RSRC2: variants seen among roughly 807,000 people sequenced by gnomAD.
RSRC2 encodes the protein arginine/serine-rich coiled-coil protein 2.
In RSRC2, 5 loss-of-function variants were observed where a neutral mutation model predicts 61.3. The observed-to-expected ratio is 0.08, with a 90% CI of 0.04 to 0.17. The LOEUF (loss-of-function observed/expected upper bound fraction) is 0.17, where lower values mean the gene tolerates loss of function less well. Among genes scored for constraint, RSRC2 ranks in the 10% least tolerant of loss-of-function variants. The pLI is 1.00. For missense variants in RSRC2, 381 were observed against 518.8 expected (o/e 0.73, Z 2.58); for synonymous variants, 202 against 166.5 (o/e 1.21, Z -1.64).
At chr12:122,512,359 C>T (rs796936757) in intron 6 of RSRC2, among the ~76,000 whole-genome samples, 1 of 152,182 alleles carries the variant, frequency 6.6e-6, no homozygotes, top group East Asian at 1.9e-4. Context: ...GGGGACAGGA[C>T]TGACAAAACT....
intron 4 of RSRC2, 37 bp downstream of exon 4, chr12:122,518,802 G>T: frequency 1.3e-6 from 2 of 1,506,302 alleles, no homozygotes; most frequent in Non-Finnish European, 9.2e-7. Flanking sequence ...TATGTAACTT[G>T]TTAGAAGGTA....
chr12:122,505,963 G>T (rs771560713), intron 9 of RSRC2, among the ~76,000 whole-genome samples: 6 of 152,036 alleles, frequency 3.9e-5, no homozygotes, highest in Non-Finnish European at 7.4e-5. Flanking sequence ...ATTTTCAGTA[G>T]AGACGGGGTT....
intron 7 of RSRC2, among the ~76,000 whole-genome samples, chr12:122,509,511 T>C (rs1407252917): frequency 1.3e-5 from 2 of 151,888 alleles, no homozygotes; most frequent in East Asian, 3.9e-4. Context: ...ATGCAGGTAT[T>C]ATGCTAAGTC....
At chr12:122,508,172 T>C in intron 8 of RSRC2, 46 bp downstream of exon 8, 15 of 1,537,924 alleles carry the variant, frequency 9.8e-6, no homozygotes, top group Non-Finnish European at 1.4e-5. Context: ...TCTAAGCAAT[T>C]ACTAATTAGG....
In RSRC2 at chr12:122,526,734, C is replaced by T; in HGVS notation, c.6+114G>A. 3 of 1,237,516 alleles carry T rather than the reference C, an allele frequency of 2.4e-6. No individual in the cohort carries two copies. In the Admixed American group the frequency reaches 5.3e-5, roughly 22 times the overall value. 76.7% of individuals were successfully genotyped at this position (1,237,516 alleles called of 1,614,324 possible). On this transcript the variant is annotated intron_variant, in intron 1 of 9. Coordinates refer to ENST00000331738, the MANE Select transcript of RSRC2 (RefSeq NM_023012.6). ...TGATGGCGGGCGCAGAAGAAGGCCG[C>T]GGCGCCATTTTGTCTACACACATAC...
intron 4 of RSRC2, among the ~76,000 whole-genome samples, chr12:122,517,984 G>C (rs1417201969): frequency 6.6e-6 from 1 of 152,132 alleles, no homozygotes. Context: ...GATTTTTTCA[G>C]TGCCAGACAG....
At chr12:122,514,919 A>G (rs563818720) in intron 6 of RSRC2, 186 bp downstream of exon 6, 84 of 727,946 alleles carry the variant, frequency 1.2e-4, no homozygotes, top group Middle Eastern at 8.2e-4. Context: ...TAGACATCTC[A>G]ATCTTATAGT....
rs376699961 is a variant in RSRC2, at chr12:122,509,997, T to C, written c.805+1112A>G. Among the ~76,000 whole-genome samples, 5 of 152,224 alleles carry C rather than the reference T, an allele frequency of 3.3e-5. No individual in the cohort carries two copies. In the South Asian group the frequency reaches 6.2e-4, roughly 19 times the overall value. ...CAACCACGCCTGGCTAATTTTTGTATTTTTAGCAGAGATGGGGTTTTGCCA... is the reference window on the plus strand; with the variant it reads ...CAACCACGCCTGGCTAATTTTTGTACTTTTAGCAGAGATGGGGTTTTGCCA... On this transcript the variant is annotated intron_variant, in intron 7 of 9. Transcript: ENST00000331738.
At chr12:122,513,506 C>T (rs371049718) in intron 6 of RSRC2, among the ~76,000 whole-genome samples, 11 of 152,016 alleles carry the variant, frequency 7.2e-5, no homozygotes, top group African/African-American at 4.8e-5. Flanking sequence ...ATGCTATTAA[C>T]GGCTTCACTT....
chr12:122,507,864 T>TCGG, intron 8 of RSRC2: 6 of 313,358 alleles, frequency 1.9e-5, no homozygotes, highest in South Asian at 8.7e-5. Flanking sequence ...TGGCATGATC[T>TCGG]TGGCTCACTG....
chr12:122,508,471 G>GGATTTTAAAAC (rs776336369), intron 7 of RSRC2, 24 bp from the exon 8 acceptor site: 5 of 1,560,576 alleles, frequency 3.2e-6, no homozygotes, highest in Non-Finnish European at 4.4e-6. Flanking sequence ...ATACAAAAAT[G>GGATTTTAAAAC]GATTTTAAAA....
intron 6 of RSRC2, chr12:122,514,541 CAG>C: frequency 1.1e-6 from 1 of 949,878 alleles, no homozygotes. Context: ...GCCGGGATTA[CAG>C]GTGTGACCGA....
chr12:122,505,510 T>A lies in RSRC2; in HGVS notation c.*17A>T. 6.2e-7 allele frequency: 1 copy of A among 1,610,990 alleles called. No individual in the cohort carries two copies. The highest frequency in any genetic ancestry group is 8.5e-7 in the Non-Finnish European group (1 of 1,177,802). ...CAAGAAGTCTATAAGTCCCAAACTT[T>A]ACAAGTGTGATCATTTTCAAACTGC... is the stretch of plus-strand genomic sequence containing the variant. On this transcript the variant is annotated 3_prime_UTR_variant, in exon 10 of 10. Coordinates refer to ENST00000331738, the MANE Select transcript of RSRC2 (RefSeq NM_023012.6).
chr12:122,511,092 A>G lies in RSRC2; in HGVS notation c.805+17T>C. 1 of 1,572,120 alleles carries G rather than the reference A, an allele frequency of 6.4e-7. No homozygotes were observed. Among genetic ancestry groups the G allele is most frequent in the Non-Finnish European group, 8.6e-7 (1 of 1,157,162 alleles). ...GAGCTCAAATCGAGATGACTAAAAA[A>G]GAATGAAAAAAATTACCTGCAGCTA... On this transcript the variant is annotated intron_variant, in intron 7 of 9. Coordinates refer to ENST00000331738, the MANE Select transcript of RSRC2 (RefSeq NM_023012.6).
At chr12:122,507,015 A>C (rs1349980384) in intron 8 of RSRC2, 92 bp from the exon 9 acceptor site, 7 of 716,208 alleles carry the variant, frequency 9.8e-6, no homozygotes, top group Non-Finnish European at 1.4e-5. Flanking sequence ...AAAAAAAAAA[A>C]CACCATGGAT....
chr12:122,525,496 A>C (rs970597206), intron 1 of RSRC2, among the ~76,000 whole-genome samples: 1 of 152,050 alleles, frequency 6.6e-6, no homozygotes, highest in Non-Finnish European at 1.5e-5. Flanking sequence ...TCAATCACCT[A>C]AATAATAGAG....
intron 6 of RSRC2, 67 bp from the exon 7 acceptor site, chr12:122,511,255 T>G: frequency 8.4e-7 from 1 of 1,192,336 alleles, no homozygotes; most frequent in South Asian, 1.4e-5. Context: ...TATCTCTCTA[T>G]ATGTGCATGT....
chr12:122,514,758 G>A (rs754831684), intron 6 of RSRC2: 1 of 1,120,848 alleles, frequency 8.9e-7, no homozygotes, highest in South Asian at 1.5e-5. Flanking sequence ...AAAAAGTAAA[G>A]GAAAAGTCAT....
At chr12:122,510,281 C>T (rs1001914552) in intron 7 of RSRC2, among the ~76,000 whole-genome samples, 1 of 152,126 alleles carries the variant, frequency 6.6e-6, no homozygotes, top group Non-Finnish European at 1.5e-5. Context: ...CCTGTAATCC[C>T]AGCACTTCGG....
Sources: allele counts gnomAD v4.1 joint callset (sites outside exome capture counted in the v4.1 genomes callset), GRCh38; gene constraint gnomAD v4.1.1; transcripts MANE v1.5; gene names NCBI Gene and HGNC (gene_info 2026-07-23, HGNC 2026-07-21).